KCNIP4: variants seen among roughly 807,000 people sequenced by gnomAD.
The protein encoded by KCNIP4 is potassium voltage-gated channel interacting protein 4.
In KCNIP4, 12 loss-of-function variants were observed where a neutral mutation model predicts 34.0. The observed-to-expected ratio is 0.35, with a 90% confidence interval of 0.23 to 0.57. The LOEUF (loss-of-function observed/expected upper bound fraction) is 0.57. KCNIP4 is among the 20% of genes least tolerant of loss of function. The probability of loss-of-function intolerance (pLI) is 0.83; values close to 1 mark genes in which losing one functional copy is unlikely to be tolerated. For missense variants in KCNIP4, 238 were observed against 311.7 expected, an observed-to-expected ratio of 0.76 and a Z score of 1.78; for synonymous variants, 124 against 102.2, an observed-to-expected ratio of 1.21 and a Z score of -1.29.
chr4:21,667,870 T>C (rs543755085), intron 1 of KCNIP4, among the ~76,000 whole-genome samples: 3 of 152,188 alleles, frequency 2.0e-5, no homozygotes, highest in East Asian at 1.9e-4. Context: ...AAGCTGCCCA[T>C]CATTGTACAG....
intron 1 of KCNIP4, among the ~76,000 whole-genome samples, chr4:21,035,146 C>T (rs1374033810): frequency 6.6e-6 from 1 of 152,114 alleles, no homozygotes; most frequent in Non-Finnish European, 1.5e-5. Flanking sequence ...GGGGAGAGCA[C>T]CAAGCTTCAT....
At chr4:21,589,330 G>GTA (rs1198620922) in intron 1 of KCNIP4, among the ~76,000 whole-genome samples, 2 of 141,256 alleles carry the variant, frequency 1.4e-5, no homozygotes, top group African/African-American at 2.6e-5. Flanking sequence ...ATATACACGT[G>GTA]TATATATATA....
chr4:21,912,212 C>A (rs980813091), intron 1 of KCNIP4, among the ~76,000 whole-genome samples: 9 of 151,978 alleles, frequency 5.9e-5, no homozygotes, highest in African/African-American at 2.2e-4. Flanking sequence ...ATGATATTGT[C>A]CCTGTGTTCA....
chr4:20,954,656 T>C (rs1733115336), intron 1 of KCNIP4, among the ~76,000 whole-genome samples: 1 of 152,224 alleles, frequency 6.6e-6, no homozygotes, highest in African/African-American at 2.4e-5. Context: ...ACAACTCTGA[T>C]AGCTTCATGC....
chr4:21,465,198 G>A (rs1729811586), intron 1 of KCNIP4, among the ~76,000 whole-genome samples: 1 of 152,114 alleles, frequency 6.6e-6, no homozygotes, highest in Non-Finnish European at 1.5e-5. Context: ...AATGCCTACT[G>A]TAAGACAAGC....
chr4:21,891,184 C>A (rs1227753861), intron 1 of KCNIP4, among the ~76,000 whole-genome samples: 1 of 151,976 alleles, frequency 6.6e-6, no homozygotes, highest in African/African-American at 2.4e-5. Flanking sequence ...CCTGGGTTGA[C>A]CACTCTTGGA....
chr4:21,387,888 A>G (rs1447377077), intron 1 of KCNIP4, among the ~76,000 whole-genome samples: 1 of 152,162 alleles, frequency 6.6e-6, no homozygotes, highest in African/African-American at 2.4e-5. Flanking sequence ...GTGTGGTGCT[A>G]AGCAGTTAGT....
intron 1 of KCNIP4, among the ~76,000 whole-genome samples, chr4:21,365,525 A>ATG (rs61043336): frequency 7.2e-5 from 2 of 27,810 alleles, no homozygotes; most frequent in South Asian, 2.5e-3. Context: ...AAATAAATAA[A>ATG]AAATAAAGAA....
In KCNIP4 at chr4:21,813,039, A is replaced by C. The variant is rs537413343; in HGVS notation, c.61+135532T>G. 2.1e-4 allele frequency among the ~76,000 whole-genome samples: 32 copies of C among 152,304 alleles called. No individual in the cohort carries two copies. The South Asian group carries it at 6.6e-3, about 32-fold the overall frequency. On this transcript the variant is annotated intron_variant, in intron 1 of 8. Transcript: ENST00000382152. ...TGCCTAGGTGCCCCCAAGAGGCTACATCTTCTAATGGCTTCTAACTTTTCC... is the reference window on the plus strand; with the variant it reads ...TGCCTAGGTGCCCCCAAGAGGCTACCTCTTCTAATGGCTTCTAACTTTTCC...
chr4:21,400,640 T>C (rs1379711652), intron 1 of KCNIP4, among the ~76,000 whole-genome samples: 2 of 152,010 alleles, frequency 1.3e-5, no homozygotes, highest in Non-Finnish European at 2.9e-5. Flanking sequence ...GTTTATCAAA[T>C]TAGCATCAAG....
rs57391222 is a variant in KCNIP4, at chr4:21,103,901, G to A, written c.62-221192C>T. ...CTTCCAATTTCATCCATGTCCCTAC[G>A]AAGGACATGAACTCATCATTTTTTA... On this transcript the variant is annotated intron_variant, in intron 1 of 8. Coordinates refer to ENST00000382152, the MANE Select transcript of KCNIP4 (RefSeq NM_025221.6). Among the ~76,000 whole-genome samples the A allele has an allele frequency of 7.0e-3, 1,053 of 151,300 alleles. 4 individuals carry two copies. The highest frequency in any genetic ancestry group is 0.02 in the East Asian group (103 of 5,120).
intron 2 of KCNIP4, among the ~76,000 whole-genome samples, chr4:20,860,739 G>C (rs1722109103): frequency 6.6e-6 from 1 of 152,156 alleles, no homozygotes; most frequent in Non-Finnish European, 1.5e-5. Flanking sequence ...ATATTTAGAA[G>C]CTTGGTCCAG....
intron 4 of KCNIP4, among the ~76,000 whole-genome samples, chr4:20,756,611 C>T (rs1464909998): frequency 6.6e-6 from 1 of 151,880 alleles, no homozygotes; most frequent in Non-Finnish European, 1.5e-5. Flanking sequence ...TTCTCATCGT[C>T]CTTTTCACCC....
intron 1 of KCNIP4, among the ~76,000 whole-genome samples, chr4:21,083,581 A>C (rs1031542290): frequency 2.6e-5 from 4 of 151,678 alleles, no homozygotes; most frequent in African/African-American, 4.9e-5. Context: ...CAATGAGATC[A>C]CTGAGTCAGA....
chr4:20,794,789 G>A (rs1308825696), intron 3 of KCNIP4, among the ~76,000 whole-genome samples: 1 of 152,134 alleles, frequency 6.6e-6, no homozygotes, highest in Non-Finnish European at 1.5e-5. Context: ...TGTGGCTTAG[G>A]GCATTCAGAG....
chr4:21,126,296 T>C (rs1750607326), intron 1 of KCNIP4, among the ~76,000 whole-genome samples: 1 of 152,158 alleles, frequency 6.6e-6, no homozygotes, highest in Non-Finnish European at 1.5e-5. Context: ...TCCCTGGCCT[T>C]ATAGGGCCAA....
At chr4:21,694,098 GAAGA>G (rs1398773075) in intron 1 of KCNIP4, among the ~76,000 whole-genome samples, 4 of 152,124 alleles carry the variant, frequency 2.6e-5, no homozygotes, top group Admixed American at 6.5e-5. Context: ...CACACATAAA[GAAGA>G]AACAGTTCAA....
At chr4:21,177,443 A>G (rs1015957316) in intron 1 of KCNIP4, among the ~76,000 whole-genome samples, 1 of 152,170 alleles carries the variant, frequency 6.6e-6, no homozygotes, top group Non-Finnish European at 1.5e-5. Flanking sequence ...TCAACTCTCT[A>G]CTTCACACCT....
chr4:21,093,212 A>G (rs1203952619), intron 1 of KCNIP4, among the ~76,000 whole-genome samples: 1 of 152,202 alleles, frequency 6.6e-6, no homozygotes, highest in Admixed American at 6.5e-5. Context: ...AGCAGAGACT[A>G]CTAAACATCA....
Sources: gnomAD v4.1 joint callset for allele counts (sites outside exome capture counted in the v4.1 genomes callset) on GRCh38, gnomAD v4.1.1 for gene constraint, MANE v1.5 for transcripts, NCBI Gene and HGNC (gene_info 2026-07-23, HGNC 2026-07-21) for gene names.